MITF: variants seen among roughly 807,000 people sequenced by gnomAD.
MITF encodes the protein microphthalmia-associated transcription factor.
In MITF, 17 loss-of-function variants were observed where a neutral mutation model predicts 60.5. The observed-to-expected ratio is 0.28, with a 90% CI of 0.19 to 0.42. The LOEUF (loss-of-function observed/expected upper bound fraction) is 0.42. MITF is among the 10% of genes least tolerant of loss of function. The pLI, the probability that MITF is intolerant of heterozygous loss-of-function variation, is 1.00. For synonymous variants in MITF, 260 were observed against 248.5 expected, an observed-to-expected ratio of 1.05 and a Z score of -0.43; for missense variants, 622 against 683.5, an observed-to-expected ratio of 0.91 and a Z score of 1.00.
At chr3:69,927,693 G>A (rs79292382) in intron 2 of MITF, among the ~76,000 whole-genome samples, 2,322 of 152,278 alleles carry the variant, frequency 0.015, 48 homozygotes, top group African/African-American at 0.045. Flanking sequence ...GAGGCATTTA[G>A]CAATGTTTGG....
At chr3:69,959,451 G>C (rs2107538366) in intron 9 of MITF, 31 bp downstream of exon 9, 1 of 1,613,058 alleles carries the variant, frequency 6.2e-7, no homozygotes, top group Non-Finnish European at 8.5e-7. Context: ...AAAGTTTACT[G>C]CTTTTTACCG....
At chr3:69,883,744 A>C (rs1411391350) in intron 2 of MITF, among the ~76,000 whole-genome samples, 1 of 152,116 alleles carries the variant, frequency 6.6e-6, no homozygotes, top group Non-Finnish European at 1.5e-5. Flanking sequence ...TTGTCCCCTC[A>C]GTTAGGGGAT....
chr3:69,773,435 C>T (rs2062423469), intron 1 of MITF, among the ~76,000 whole-genome samples: 1 of 152,146 alleles, frequency 6.6e-6, no homozygotes, highest in African/African-American at 2.4e-5. Context: ...TGGGGGAAAA[C>T]AGGGGTCTGT....
intron 2 of MITF, among the ~76,000 whole-genome samples, chr3:69,897,626 T>G (rs2064905602): frequency 6.6e-6 from 1 of 152,184 alleles, no homozygotes; most frequent in African/African-American, 2.4e-5. Context: ...CCCACAAAGC[T>G]GAAAATAATT....
intron 1 of MITF, among the ~76,000 whole-genome samples, chr3:69,846,205 AG>A (rs1271283116): frequency 6.6e-6 from 1 of 151,270 alleles, no homozygotes; most frequent in East Asian, 1.9e-4. Context: ...AAATTAAATG[AG>A]CTGTGCAGCT....
At chr3:69,785,931 A>G (rs2062641512) in intron 1 of MITF, among the ~76,000 whole-genome samples, 1 of 152,224 alleles carries the variant, frequency 6.6e-6, no homozygotes, top group Non-Finnish European at 1.5e-5. Context: ...AACATAGTTC[A>G]AGAACTAGAG....
chr3:69,826,640 A>G (rs1217483178), intron 1 of MITF, among the ~76,000 whole-genome samples: 1 of 152,156 alleles, frequency 6.6e-6, no homozygotes, highest in Non-Finnish European at 1.5e-5. Flanking sequence ...CTAGTTCTTT[A>G]TGTTCATGAG....
At chr3:69,751,555 T>C (rs1471342200) in intron 1 of MITF, among the ~76,000 whole-genome samples, 2 of 38,262 alleles carry the variant, frequency 5.2e-5, no homozygotes, top group Non-Finnish European at 2.0e-4. Context: ...GCATTTTGAT[T>C]TTTTTTTTTT....
intron 1 of MITF, among the ~76,000 whole-genome samples, chr3:69,757,242 A>ATC (rs1167843027): frequency 1.3e-5 from 2 of 152,202 alleles, no homozygotes; most frequent in Non-Finnish European, 2.9e-5. Flanking sequence ...ATATATATAT[A>ATC]TTCATACAAA....
chr3:69,883,060 T>G (rs1381147408), intron 2 of MITF, among the ~76,000 whole-genome samples: 2 of 152,218 alleles, frequency 1.3e-5, no homozygotes, highest in Non-Finnish European at 2.9e-5. Flanking sequence ...GTGTCTTCTC[T>G]GGAACGGATT....
At chr3:69,792,766 T>C (rs910044294) in intron 1 of MITF, among the ~76,000 whole-genome samples, 5 of 152,052 alleles carry the variant, frequency 3.3e-5, no homozygotes, top group African/African-American at 1.2e-4. Flanking sequence ...TTTTTAATAG[T>C]ATAGTTTTAT....
intron 1 of MITF, among the ~76,000 whole-genome samples, chr3:69,862,650 G>A (rs1401057272): frequency 1.3e-5 from 2 of 152,176 alleles, no homozygotes; most frequent in African/African-American, 4.8e-5. Flanking sequence ...GTTCAAAGCA[G>A]TGATTGAATT....
chr3:69,870,354 ATGTGTGTGTATATATACG>A (rs1279609592), intron 1 of MITF, among the ~76,000 whole-genome samples: 3 of 148,692 alleles, frequency 2.0e-5, no homozygotes, highest in Non-Finnish European at 4.4e-5. Context: ...GTATATATGT[ATGTGTGTGTATATATACG>A]TGTGTGTGTA....
chr3:69,794,393 A>G (rs1273694136), intron 1 of MITF, among the ~76,000 whole-genome samples: 1 of 152,232 alleles, frequency 6.6e-6, no homozygotes, highest in African/African-American at 2.4e-5. Flanking sequence ...ACAGAAAGTC[A>G]GATGGCTTTG....
intron 1 of MITF, among the ~76,000 whole-genome samples, chr3:69,828,209 G>A (rs2063387370): frequency 9.2e-6 from 1 of 108,922 alleles, no homozygotes. Context: ...CCAACTTAAG[G>A]AGCTTTGACC....
At chr3:69,858,420 A>G (rs2063956655) in intron 1 of MITF, among the ~76,000 whole-genome samples, 1 of 152,156 alleles carries the variant, frequency 6.6e-6, no homozygotes, top group Non-Finnish European at 1.5e-5. Context: ...AGTTTGAGAA[A>G]TTTGACTGTT....
At chr3:69,845,947 T>C (rs775632344) in intron 1 of MITF, among the ~76,000 whole-genome samples, 10 of 152,208 alleles carry the variant, frequency 6.6e-5, no homozygotes, top group Non-Finnish European at 1.3e-4. Context: ...CAAATGTTTA[T>C]TGAGCACCTA....
intron 1 of MITF, among the ~76,000 whole-genome samples, chr3:69,747,084 G>T (rs1286258603): frequency 6.6e-6 from 1 of 152,188 alleles, no homozygotes; most frequent in African/African-American, 2.4e-5. Context: ...TATCTTTAAT[G>T]GCTGACCTTT....
intron 6 of MITF, among the ~76,000 whole-genome samples, chr3:69,949,832 C>G (rs2066197070): frequency 6.6e-6 from 1 of 152,138 alleles, no homozygotes; most frequent in South Asian, 2.1e-4. Context: ...AACTGGCATT[C>G]TACCATGGTG....
Sources: gnomAD v4.1 joint callset for allele counts (sites outside exome capture counted in the v4.1 genomes callset) on GRCh38, gnomAD v4.1.1 for gene constraint, MANE v1.5 for transcripts, NCBI Gene and HGNC (gene_info 2026-07-23, HGNC 2026-07-21) for gene names.